The following MPP4 variants were observed in gnomAD, a reference collection of about 807,000 sequenced individuals.
MPP4 encodes the protein MAGUK p55 subfamily member 4.
Under a neutral mutation model 98.3 loss-of-function variants are expected in MPP4, and 91 were observed. The observed-to-expected ratio is 0.93, with a 90% CI of 0.78 to 1.10. MPP4 has a LOEUF of 1.10. Among genes scored for constraint, MPP4 ranks in the 50% least tolerant of loss-of-function variants. The probability of loss-of-function intolerance (pLI) is 0.00; values close to 1 mark genes in which losing one functional copy is unlikely to be tolerated. For synonymous variants in MPP4, 261 were observed against 271.8 expected (o/e 0.96, Z 0.39); for missense variants, 744 against 792.9 (o/e 0.94, Z 0.74).
In MPP4 at chr2:201,693,885, G is replaced by A; in HGVS notation, c.70C>T (p.Pro24Ser). Residue 24 changes from proline to serine, a missense_variant, in exon 2 of 22, where the codon CCA (proline) becomes TCA (serine). Physicochemically the swap from Pro to Ser is moderately conservative, Grantham distance 74. Coordinates refer to ENST00000409474, the MANE Select transcript of MPP4 (RefSeq NM_033066.3). ...KDMKLSTATN[P>S]QNGLSQILRL... ...TCCTGGTGACACATACCATTCTGTG[G>A]ATTGGTGGCTGTAGAAAGCTTCATG... The A allele has an allele frequency of 6.2e-7, 1 of 1,613,938 alleles. No homozygotes were observed. The highest frequency in any genetic ancestry group is 8.5e-7 in the Non-Finnish European group (1 of 1,179,846).
chr2:201,658,715 G>T (rs1191059991), intron 15 of MPP4, among the ~76,000 whole-genome samples, 197 bp from the exon 16 acceptor site: 1 of 152,034 alleles, frequency 6.6e-6, no homozygotes, highest in Non-Finnish European at 1.5e-5. Context: ...CTATAGGGAC[G>T]CACTTCACAG....
At chr2:201,646,156 C>T (rs776910524) in intron 21 of MPP4, among the ~76,000 whole-genome samples, 1 of 152,138 alleles carries the variant, frequency 6.6e-6, no homozygotes, top group Non-Finnish European at 1.5e-5. Flanking sequence ...GTGAACTTAT[C>T]TTACTCTTAC....
chr2:201,651,102 A>G (rs368219697), intron 18 of MPP4: 1 of 985,274 alleles, frequency 1.0e-6, no homozygotes, highest in East Asian at 1.1e-4. Flanking sequence ...CTATATTACC[A>G]TTAGTTCCCC....
At chr2:201,659,134 G>A (rs1357371860) in intron 15 of MPP4, among the ~76,000 whole-genome samples, 1 of 152,150 alleles carries the variant, frequency 6.6e-6, no homozygotes, top group Non-Finnish European at 1.5e-5. Flanking sequence ...GACCTCAGGT[G>A]ATCCACCCAC....
chr2:201,689,443 T>C (rs1234327320), intron 4 of MPP4, among the ~76,000 whole-genome samples: 1 of 151,990 alleles, frequency 6.6e-6, no homozygotes, highest in Non-Finnish European at 1.5e-5. Flanking sequence ...TCAAAGAGGG[T>C]ATTTTTGGTT....
At chr2:201,660,439 C>G (rs1327728739) in intron 14 of MPP4, 93 bp from the exon 15 acceptor site, 2 of 1,365,974 alleles carry the variant, frequency 1.5e-6, no homozygotes, top group African/African-American at 2.9e-5. Context: ...ATGACATAAG[C>G]AAGACGTGCA....
At chr2:201,666,922 G>A (rs940349148) in intron 12 of MPP4, among the ~76,000 whole-genome samples, 3 of 152,024 alleles carry the variant, frequency 2.0e-5, no homozygotes, top group Admixed American at 6.6e-5. Flanking sequence ...TGATGTGGGA[G>A]GCTATATAAC....
At chr2:201,668,477 CCT>C (rs1553493948) in intron 12 of MPP4, among the ~76,000 whole-genome samples, 26 of 146,444 alleles carry the variant, frequency 1.8e-4, no homozygotes, top group Non-Finnish European at 2.7e-4. Flanking sequence ...CTCTTCTCTT[CCT>C]CTCTCTCTCT....
chr2:201,690,063 G>A (rs1039471605), intron 4 of MPP4, 139 bp downstream of exon 4: 4 of 514,662 alleles, frequency 7.8e-6, no homozygotes, highest in African/African-American at 7.6e-5. Flanking sequence ...TTATATTAAA[G>A]TTCAATTAGA....
chr2:201,695,664 C>T (rs1236358609), intron 1 of MPP4, among the ~76,000 whole-genome samples: 1 of 152,136 alleles, frequency 6.6e-6, no homozygotes, highest in Non-Finnish European at 1.5e-5. Context: ...TTTTTATACA[C>T]CAATGGCAAC....
At chr2:201,666,472 G>T in intron 12 of MPP4, 100 bp from the exon 13 acceptor site, 2 of 928,378 alleles carry the variant, frequency 2.2e-6, no homozygotes, top group East Asian at 3.0e-5. Context: ...TGTGATCCCA[G>T]CACTCTGGGA....
At chr2:201,672,426 A>C (rs191701698) in intron 11 of MPP4, among the ~76,000 whole-genome samples, 884 of 151,544 alleles carry the variant, frequency 5.8e-3, no homozygotes, top group Non-Finnish European at 8.6e-3. Context: ...ACAGAGACAC[A>C]AAAAAACCTT....
chr2:201,669,496 C>A (rs1688277910), intron 12 of MPP4, among the ~76,000 whole-genome samples: 1 of 152,178 alleles, frequency 6.6e-6, no homozygotes, highest in South Asian at 2.1e-4. Context: ...CTTTATTCCT[C>A]TCAGTGTTAG....
At chr2:201,658,297 CAATG>C (rs1228877537) in intron 16 of MPP4, among the ~76,000 whole-genome samples, 176 bp downstream of exon 16, 7 of 151,952 alleles carry the variant, frequency 4.6e-5, no homozygotes, top group African/African-American at 1.7e-4. Flanking sequence ...AGATGAATAA[CAATG>C]AATAATTAAT....
chr2:201,685,447 A>G (rs1032132221), intron 6 of MPP4, among the ~76,000 whole-genome samples: 1 of 152,242 alleles, frequency 6.6e-6, no homozygotes, highest in Admixed American at 6.5e-5. Context: ...GTCTCATTTC[A>G]ACCACACAGA....
intron 6 of MPP4, among the ~76,000 whole-genome samples, chr2:201,685,433 T>C (rs1413602595): frequency 6.6e-6 from 1 of 152,216 alleles, no homozygotes; most frequent in East Asian, 1.9e-4. Flanking sequence ...TTTGGCTTCC[T>C]GGAGTCTCAT....
intron 1 of MPP4, 65 bp from the exon 2 acceptor site, chr2:201,694,119 C>T (rs368402487): frequency 1.7e-5 from 25 of 1,454,984 alleles, no homozygotes; most frequent in Middle Eastern, 2.6e-4. Context: ...CTGGGATACA[C>T]ATCAAATGAA....
chr2:201,678,029 A>G (rs1574625344), intron 10 of MPP4, among the ~76,000 whole-genome samples: 2 of 152,104 alleles, frequency 1.3e-5, no homozygotes, highest in African/African-American at 4.8e-5. Context: ...TCTGTCCCCA[A>G]CAAGACATTT....
At chr2:201,678,170 C>T (rs549889752) in intron 10 of MPP4, among the ~76,000 whole-genome samples, 4 of 152,110 alleles carry the variant, frequency 2.6e-5, no homozygotes, top group Admixed American at 1.3e-4. Flanking sequence ...TTGTGTGCCC[C>T]CCCAAGAAAC....
Sources: gnomAD v4.1 joint callset for allele counts (sites outside exome capture counted in the v4.1 genomes callset) on GRCh38, gnomAD v4.1.1 for gene constraint, MANE v1.5 for transcripts, NCBI Gene and HGNC (gene_info 2026-07-23, HGNC 2026-07-21) for gene names.